ROBO2: variants seen among roughly 807,000 people sequenced by gnomAD.
ROBO2 encodes roundabout homolog 2.
A neutral mutation model predicts 160.8 loss-of-function variants in ROBO2; 53 were observed. The observed-to-expected ratio is 0.33, with a 90% CI of 0.26 to 0.41. ROBO2 has a LOEUF of 0.41. ROBO2 is among the 10% of genes least tolerant of loss of function. The probability of loss-of-function intolerance (pLI) is 1.00; values close to 1 mark genes in which losing one functional copy is unlikely to be tolerated. For missense variants in ROBO2, 1,577 were observed against 1,722.4 expected, an observed-to-expected ratio of 0.92 and a Z score of 1.49; for synonymous variants, 664 against 611.7, an observed-to-expected ratio of 1.09 and a Z score of -1.26.
chr3:77,591,761 T>C (rs1398154603), intron 17 of ROBO2, among the ~76,000 whole-genome samples: 1 of 152,170 alleles, frequency 6.6e-6, no homozygotes, highest in Non-Finnish European at 1.5e-5. Context: ...ATTATCAAAA[T>C]TGTGACAAGA....
At chr3:77,558,031 A>G (rs2093185944) in exon 9 of ROBO2, 1 of 1,613,166 alleles carries the variant, frequency 6.2e-7, no homozygotes, top group African/African-American at 1.3e-5. Flanking sequence ...CTGAAATGTA[A>G]AGCCACTGGT....
chr3:77,002,384 A>G (rs1357351327), intron 2 of ROBO2, among the ~76,000 whole-genome samples: 1 of 151,678 alleles, frequency 6.6e-6, no homozygotes, highest in African/African-American at 2.4e-5. Context: ...TAAGGGTGTG[A>G]CTTATATTGA....
At chr3:76,054,091 T>C (rs529882991) in intron 2 of ROBO2, among the ~76,000 whole-genome samples, 4 of 152,248 alleles carry the variant, frequency 2.6e-5, no homozygotes, top group African/African-American at 7.2e-5. Flanking sequence ...GGAAATATGT[T>C]TTAAGTCCTG....
At chr3:77,312,711 T>C (rs1458619945) in intron 2 of ROBO2, among the ~76,000 whole-genome samples, 1 of 152,166 alleles carries the variant, frequency 6.6e-6, no homozygotes, top group Non-Finnish European at 1.5e-5. Flanking sequence ...TTTAACTGTC[T>C]TGAGTGAAGG....
At chr3:76,965,063 G>A (rs1158815615) in intron 2 of ROBO2, among the ~76,000 whole-genome samples, 2 of 152,216 alleles carry the variant, frequency 1.3e-5, no homozygotes, top group Non-Finnish European at 2.9e-5. Context: ...CAACTCAAGT[G>A]CTACAAGTAG....
chr3:76,451,294 A>G (rs13097253), intron 2 of ROBO2, among the ~76,000 whole-genome samples: 12,854 of 152,196 alleles, frequency 0.084, 699 homozygotes, highest in Non-Finnish European at 0.13. Flanking sequence ...ATGAACACAA[A>G]CAGCATTATT....
chr3:76,618,085 T>C (rs1214290274), intron 2 of ROBO2, among the ~76,000 whole-genome samples: 4 of 151,592 alleles, frequency 2.6e-5, no homozygotes, highest in African/African-American at 4.9e-5. Context: ...AGAATAATTA[T>C]ACTTTGTCTC....
intron 2 of ROBO2, among the ~76,000 whole-genome samples, chr3:76,447,712 G>T (rs549979568): frequency 1.3e-5 from 2 of 151,586 alleles, no homozygotes; most frequent in Non-Finnish European, 2.9e-5. Flanking sequence ...CTATGCAGCC[G>T]TATAAAATGA....
intron 2 of ROBO2, among the ~76,000 whole-genome samples, chr3:76,203,131 T>C (rs1702617663): frequency 2.0e-5 from 3 of 152,154 alleles, no homozygotes; most frequent in African/African-American, 7.2e-5. Flanking sequence ...TAAAACAATG[T>C]ACCCGTGTAT....
intron 2 of ROBO2, among the ~76,000 whole-genome samples, chr3:76,901,113 C>T (rs77081190): frequency 0.013 from 2,052 of 152,134 alleles, 24 homozygotes; most frequent in African/African-American, 0.045. Flanking sequence ...TATACCAGTG[C>T]CAAGTATGAG....
At chr3:77,084,598 A>AGGAG (rs1432412789) in intron 1 of ROBO2, among the ~76,000 whole-genome samples, 1 of 151,828 alleles carries the variant, frequency 6.6e-6, no homozygotes, top group Non-Finnish European at 1.5e-5. Flanking sequence ...AGTGGCTGGA[A>AGGAG]GGAGGTTAAT....
chr3:76,597,026 A>G (rs184220385), intron 2 of ROBO2, among the ~76,000 whole-genome samples: 1 of 152,286 alleles, frequency 6.6e-6, no homozygotes, highest in Admixed American at 6.5e-5. Context: ...TAGCCCGACA[A>G]TTGATGCTGA....
intron 1 of ROBO2, among the ~76,000 whole-genome samples, chr3:75,914,644 TTTGC>T: frequency 6.6e-6 from 1 of 152,298 alleles, no homozygotes; most frequent in Middle Eastern, 3.4e-3. Context: ...CCAAAATCCC[TTTGC>T]ACATAAATGC....
At chr3:76,351,200 G>A (rs2074853214) in intron 2 of ROBO2, among the ~76,000 whole-genome samples, 1 of 151,908 alleles carries the variant, frequency 6.6e-6, no homozygotes, top group African/African-American at 2.4e-5. Flanking sequence ...AACATCACAT[G>A]TGGCTGAATA....
intron 2 of ROBO2, among the ~76,000 whole-genome samples, chr3:76,412,238 T>TC (rs1296816914): frequency 6.6e-6 from 1 of 151,944 alleles, no homozygotes; most frequent in Non-Finnish European, 1.5e-5. Flanking sequence ...CCTGGGTCCC[T>TC]CCCCCTGGGT....
chr3:76,765,826 A>G (rs1020344881), intron 2 of ROBO2, among the ~76,000 whole-genome samples: 1 of 151,648 alleles, frequency 6.6e-6, no homozygotes, highest in Non-Finnish European at 1.5e-5. Context: ...GTTCTGCCCC[A>G]ATTCCTGACC....
chr3:76,943,905 G>A (rs993866424), intron 2 of ROBO2, among the ~76,000 whole-genome samples: 4 of 152,124 alleles, frequency 2.6e-5, no homozygotes, highest in Non-Finnish European at 4.4e-5. Context: ...AGGAGGAAAC[G>A]GAAGCTATGG....
chr3:76,945,373 G>A (rs1202268886), intron 2 of ROBO2, among the ~76,000 whole-genome samples: 1 of 152,158 alleles, frequency 6.6e-6, no homozygotes, highest in Non-Finnish European at 1.5e-5. Context: ...GGAAATCAGA[G>A]TTGGAGCCTA....
At chr3:76,287,499 C>T (rs1708564638) in intron 2 of ROBO2, among the ~76,000 whole-genome samples, 1 of 152,048 alleles carries the variant, frequency 6.6e-6, no homozygotes, top group Non-Finnish European at 1.5e-5. Context: ...AGGGTTTCAT[C>T]ATGTTGGCCA....
Sources: allele counts gnomAD v4.1 joint callset (sites outside exome capture counted in the v4.1 genomes callset), GRCh38; gene constraint gnomAD v4.1.1; transcripts MANE v1.5; gene names NCBI Gene and HGNC (gene_info 2026-07-23, HGNC 2026-07-21).